Variants in CLSTN2 observed in about 807,000 individuals in gnomAD.
CLSTN2 encodes calsyntenin 2, also known as calsyntenin-2.
In CLSTN2, 48 loss-of-function variants were observed where a neutral mutation model predicts 101.2. The observed-to-expected ratio is 0.47, with a 90% CI of 0.38 to 0.60. The LOEUF (loss-of-function observed/expected upper bound fraction) is 0.60, where lower values mean the gene tolerates loss of function less well. Among genes scored for constraint, CLSTN2 ranks in the 20% least tolerant of loss-of-function variants. CLSTN2 has a pLI of 0.00. For missense variants in CLSTN2, 1,160 were observed against 1,238.2 expected (o/e 0.94, Z 0.95); for synonymous variants, 481 against 463.6 (o/e 1.04, Z -0.48).
At chr3:140,287,010 A>C (rs1283455035) in intron 2 of CLSTN2, among the ~76,000 whole-genome samples, 1 of 152,200 alleles carries the variant, frequency 6.6e-6, no homozygotes, top group Non-Finnish European at 1.5e-5. Context: ...CAGATAATGA[A>C]GGGCTTTAAG....
At chr3:140,404,466 C>T (rs2088280602) in intron 3 of CLSTN2, 92 bp from the exon 4 acceptor site, 1 of 1,162,374 alleles carries the variant, frequency 8.6e-7, no homozygotes, top group African/African-American at 1.5e-5. Flanking sequence ...TTCACTTGGC[C>T]TTGGGACCTC....
At chr3:140,230,920 C>T (rs1478573655) in intron 2 of CLSTN2, among the ~76,000 whole-genome samples, 2 of 152,156 alleles carry the variant, frequency 1.3e-5, no homozygotes, top group East Asian at 3.8e-4. Context: ...GGGCAAAGAA[C>T]CTTGTAGGCT....
chr3:140,066,076 A>G (rs754047789), intron 1 of CLSTN2, among the ~76,000 whole-genome samples: 3 of 152,238 alleles, frequency 2.0e-5, no homozygotes, highest in Admixed American at 6.5e-5. Flanking sequence ...TAATTTGCCA[A>G]TGGTTTTTCA....
chr3:140,158,280 A>T (rs1028731862), intron 1 of CLSTN2, among the ~76,000 whole-genome samples: 1 of 152,208 alleles, frequency 6.6e-6, no homozygotes, highest in Non-Finnish European at 1.5e-5. Context: ...TTCACTGATG[A>T]TATGATTATA....
chr3:140,278,943 C>A (rs1385430203), intron 2 of CLSTN2, among the ~76,000 whole-genome samples: 1 of 152,160 alleles, frequency 6.6e-6, no homozygotes, highest in Non-Finnish European at 1.5e-5. Context: ...CTGGTCTTGA[C>A]TCCTGAGCTT....
At chr3:140,325,057 T>G (rs549209002) in intron 2 of CLSTN2, among the ~76,000 whole-genome samples, 18 of 152,368 alleles carry the variant, frequency 1.2e-4, no homozygotes, top group Admixed American at 1.0e-3. Context: ...AAGTTCTTTT[T>G]AAATTTTTAT....
chr3:140,307,787 G>A (rs1220735604), intron 2 of CLSTN2, among the ~76,000 whole-genome samples: 1 of 152,182 alleles, frequency 6.6e-6, no homozygotes. Context: ...CACCATTCAT[G>A]TGAGCAGAGG....
At chr3:140,291,600 T>C (rs2086954006) in intron 2 of CLSTN2, among the ~76,000 whole-genome samples, 2 of 151,746 alleles carry the variant, frequency 1.3e-5, no homozygotes, top group Non-Finnish European at 2.9e-5. Flanking sequence ...CCTCCAAAAT[T>C]ATCCTCTGGG....
intron 1 of CLSTN2, among the ~76,000 whole-genome samples, chr3:140,041,121 G>A (rs1185294659): frequency 6.6e-6 from 1 of 152,134 alleles, no homozygotes; most frequent in Non-Finnish European, 1.5e-5. Flanking sequence ...CGTTAAATCC[G>A]GAGAGCAGTG....
intron 2 of CLSTN2, among the ~76,000 whole-genome samples, chr3:140,341,925 G>A (rs2087497817): frequency 6.6e-6 from 1 of 152,144 alleles, no homozygotes; most frequent in Non-Finnish European, 1.5e-5. Context: ...TAATTGCTCT[G>A]TTTTAAAGGG....
chr3:140,240,174 C>CTCTCTCTATATATA (rs1311225528), intron 2 of CLSTN2, among the ~76,000 whole-genome samples: 4 of 13,338 alleles, frequency 3.0e-4, no homozygotes, highest in Non-Finnish European at 1.1e-3. Flanking sequence ...CTCTCTCTCT[C>CTCTCTCTATATATA]TATATATATA....
rs77960860 is a variant in CLSTN2 at position 140,276,284 on chromosome 3, C to A, written c.232+100211C>A. Among the ~76,000 whole-genome samples the A allele has an allele frequency of 9.8e-3, 1,497 of 152,278 alleles. 25 individuals carry two copies. Among genetic ancestry groups the A allele is most frequent in the African/African-American group, 0.033 (1,382 of 41,554 alleles). On this transcript the variant is annotated intron_variant, in intron 2 of 16. Transcript: ENST00000458420. Reference sequence around the variant, plus strand: ...TGAGAATGCATATGTATCCCCTTGGCATGCCCAGTTTGAAGGCCCTGAGAG... The same window carrying A: ...TGAGAATGCATATGTATCCCCTTGGAATGCCCAGTTTGAAGGCCCTGAGAG...
intron 4 of CLSTN2, among the ~76,000 whole-genome samples, chr3:140,410,824 T>G (rs1046124938): frequency 6.6e-6 from 1 of 152,154 alleles, no homozygotes; most frequent in African/African-American, 2.4e-5. Context: ...AGTGCAAAGC[T>G]TTTATGTGCA....
At chr3:140,288,075 A>G (rs1287373432) in intron 2 of CLSTN2, among the ~76,000 whole-genome samples, 2 of 143,528 alleles carry the variant, frequency 1.4e-5, no homozygotes, top group East Asian at 2.3e-4. Context: ...TTCCTTCTTG[A>G]TAGATGACAC....
chr3:139,981,604 G>T (rs539392002), intron 1 of CLSTN2, among the ~76,000 whole-genome samples: 2 of 152,310 alleles, frequency 1.3e-5, no homozygotes, highest in South Asian at 4.1e-4. Flanking sequence ...GGTGAGAGAG[G>T]TTAGGCAGAC....
intron 1 of CLSTN2, among the ~76,000 whole-genome samples, chr3:140,030,213 T>G (rs1398445681): frequency 1.3e-5 from 2 of 152,110 alleles, no homozygotes; most frequent in Non-Finnish European, 2.9e-5. Context: ...ACTTCACATA[T>G]TCAACATGAC....
At chr3:140,239,036 G>C (rs2086438579) in intron 2 of CLSTN2, among the ~76,000 whole-genome samples, 1 of 152,272 alleles carries the variant, frequency 6.6e-6, no homozygotes, top group Non-Finnish European at 1.5e-5. Flanking sequence ...TAATATTGCT[G>C]TACTTTTCTC....
intron 5 of CLSTN2, among the ~76,000 whole-genome samples, chr3:140,426,871 G>C (rs1398025097): frequency 2.0e-5 from 3 of 152,026 alleles, no homozygotes; most frequent in Non-Finnish European, 4.4e-5. Context: ...TTTCTACAAA[G>C]CATCACTTAA....
intron 1 of CLSTN2, among the ~76,000 whole-genome samples, chr3:139,990,362 T>C (rs905879576): frequency 1.6e-4 from 25 of 152,172 alleles, no homozygotes; most frequent in African/African-American, 5.8e-4. Flanking sequence ...GTTGAGAAAA[T>C]GAAAAGCAGC....
Sources: allele counts gnomAD v4.1 joint callset (sites outside exome capture counted in the v4.1 genomes callset), GRCh38; gene constraint gnomAD v4.1.1; transcripts MANE v1.5; gene names NCBI Gene and HGNC (gene_info 2026-07-23, HGNC 2026-07-21).